FER: variants seen among roughly 807,000 people sequenced by gnomAD.
FER encodes FER tyrosine kinase.
Under a neutral mutation model 111.0 loss-of-function variants are expected in FER, and 63 were observed. The observed-to-expected ratio is 0.57, with a 90% CI of 0.46 to 0.70. The LOEUF is 0.70. Ranked by LOEUF, FER falls within the 30% of genes least tolerant of loss-of-function variation. The pLI, the probability that FER is intolerant of heterozygous loss-of-function variation, is 0.00. For synonymous variants in FER, 327 were observed against 313.9 expected, an observed-to-expected ratio of 1.04 and a Z score of -0.44; for missense variants, 914 against 954.0, an observed-to-expected ratio of 0.96 and a Z score of 0.55.
At chr5:109,034,946 A>G (rs989654676) in intron 13 of FER, among the ~76,000 whole-genome samples, 4 of 152,044 alleles carry the variant, frequency 2.6e-5, no homozygotes, top group African/African-American at 9.7e-5. Flanking sequence ...TTATTAAAAA[A>G]TGAACTTTAT....
intron 10 of FER, among the ~76,000 whole-genome samples, chr5:108,933,814 C>T (rs917329056): frequency 9.2e-5 from 14 of 152,044 alleles, no homozygotes; most frequent in African/African-American, 3.1e-4. Flanking sequence ...TGAAGAGGTC[C>T]TTTGCATCCC....
chr5:108,828,741 C>G (rs1759732449), intron 3 of FER, among the ~76,000 whole-genome samples: 1 of 152,126 alleles, frequency 6.6e-6, no homozygotes, highest in South Asian at 2.1e-4. Context: ...AATCAGGTTT[C>G]TGTATAATGA....
intron 5 of FER, among the ~76,000 whole-genome samples, chr5:108,846,238 G>C (rs1762013937): frequency 6.6e-6 from 1 of 151,810 alleles, no homozygotes; most frequent in Non-Finnish European, 1.5e-5. Context: ...TTTCCTTTTT[G>C]GTTAAGCTTT....
chr5:108,831,870 C>T (rs1022623150), intron 3 of FER, among the ~76,000 whole-genome samples: 1 of 152,118 alleles, frequency 6.6e-6, no homozygotes, highest in Non-Finnish European at 1.5e-5. Context: ...CCAAACTTTG[C>T]TCATTTAAAA....
intron 10 of FER, among the ~76,000 whole-genome samples, chr5:108,921,431 A>G (rs1002980451): frequency 6.6e-6 from 1 of 152,126 alleles, no homozygotes; most frequent in Non-Finnish European, 1.5e-5. Flanking sequence ...AGGCACTTTC[A>G]TTATGTTTAC....
chr5:108,896,922 A>G (rs1456487191), intron 9 of FER, among the ~76,000 whole-genome samples: 1 of 152,140 alleles, frequency 6.6e-6, no homozygotes, highest in African/African-American at 2.4e-5. Flanking sequence ...AGTGTGGGCT[A>G]TTTCCAGAAG....
rs1337713990 is a variant in FER, at chr5:108,835,184, ACCCC to A, written c.382-514_382-511del. 1.4e-4 allele frequency among the ~76,000 whole-genome samples: 4 copies of A among 28,882 alleles called. 1 individual carries two copies. Among genetic ancestry groups the A allele is most frequent in the Non-Finnish European group, 2.4e-4 (4 of 16,702 alleles). The allele number at this position is 28,882 out of a possible 152,430, so 18.9% of individuals were successfully genotyped here. A position where few individuals can be genotyped will look rare whatever the true frequency, so the allele number is the denominator to read the frequency against. ...GCAGTGTTATTTCTTCGTTTGCGCC[ACCCC>A]CCCCCCCCCACTTTTTTTTTGAGTC... On this transcript the variant is annotated intron_variant, in intron 4 of 19. Coordinates refer to ENST00000281092, the MANE Select transcript of FER (RefSeq NM_005246.4).
At chr5:108,919,439 T>A (rs1163765264) in intron 10 of FER, among the ~76,000 whole-genome samples, 1 of 152,188 alleles carries the variant, frequency 6.6e-6, no homozygotes, top group East Asian at 1.9e-4. Context: ...TGGAAAATTT[T>A]AAATTTTCCA....
At chr5:109,076,784 A>C (rs557058942) in intron 16 of FER, among the ~76,000 whole-genome samples, 11 of 152,284 alleles carry the variant, frequency 7.2e-5, no homozygotes, top group African/African-American at 9.6e-5. Flanking sequence ...TCCCTGTAAT[A>C]GCAATAACAA....
intron 13 of FER, among the ~76,000 whole-genome samples, chr5:108,995,324 TG>T (rs766291825): frequency 1.3e-5 from 2 of 152,142 alleles, no homozygotes; most frequent in Non-Finnish European, 2.9e-5. Context: ...CATGCAGGTT[TG>T]TTACATAGGT....
In FER at chr5:109,195,604, A is replaced by C. The variant is rs75259937; in HGVS notation, c.*8029A>C. The stretch of plus-strand genomic sequence containing the variant: ...TCGAGAGGGGTCTTAGTTATTTCAA[A>C]TCCATGACCAAAGTGTCCAAAGACA... On this transcript the variant is annotated 3_prime_UTR_variant, in exon 20 of 20. Coordinates refer to ENST00000281092, the MANE Select transcript of FER (RefSeq NM_005246.4). 1 of 152,096 alleles carries C rather than the reference A, an allele frequency of 6.6e-6. No individual in the cohort carries two copies. The highest frequency in any genetic ancestry group is 1.5e-5 in the Non-Finnish European group (1 of 68,024). The allele number at this position is 152,096 out of a possible 1,614,324, so 9.4% of individuals were successfully genotyped here. A position where few individuals can be genotyped will look rare whatever the true frequency, so the allele number is the denominator to read the frequency against.
chr5:109,024,404 G>C (rs542226914), intron 13 of FER, among the ~76,000 whole-genome samples: 1 of 152,226 alleles, frequency 6.6e-6, no homozygotes, highest in South Asian at 2.1e-4. Context: ...ATGCAGAGTG[G>C]AATGGAAAGA....
At chr5:108,760,415 A>G (rs1043349739) in intron 1 of FER, among the ~76,000 whole-genome samples, 1 of 152,196 alleles carries the variant, frequency 6.6e-6, no homozygotes, top group African/African-American at 2.4e-5. Flanking sequence ...GAAGTCACGC[A>G]TTAACTTTTC....
At chr5:108,791,531 TATC>T (rs1245299417) in intron 2 of FER, among the ~76,000 whole-genome samples, 1 of 149,984 alleles carries the variant, frequency 6.7e-6, no homozygotes, top group African/African-American at 2.5e-5. Flanking sequence ...AGAAGTTCCT[TATC>T]ATATATATAT....
At chr5:108,815,988 C>T (rs907654881) in intron 3 of FER, among the ~76,000 whole-genome samples, 2 of 152,034 alleles carry the variant, frequency 1.3e-5, no homozygotes, top group Admixed American at 1.3e-4. Context: ...GAGAGGATCA[C>T]CTGAGGCCAC....
In FER at chr5:108,893,463, C is replaced by T. The variant is rs1021517623; in HGVS notation, c.1047-4196C>T. Among the ~76,000 whole-genome samples, 6 of 151,592 alleles carry T rather than the reference C, an allele frequency of 4.0e-5. No homozygotes were observed. In the East Asian group the frequency reaches 5.8e-4, roughly 15 times the overall value. On this transcript the variant is annotated intron_variant, in intron 9 of 19. Transcript: ENST00000281092. ...GTTTGAGATTTTACATTTAAATCTA[C>T]GTTAACTCTTTTCTGCAGAGTCAGT... is the stretch of plus-strand genomic sequence containing the variant.
chr5:108,803,864 C>T (rs1247175715), intron 3 of FER, among the ~76,000 whole-genome samples: 1 of 152,038 alleles, frequency 6.6e-6, no homozygotes, highest in Non-Finnish European at 1.5e-5. Context: ...TTTCCCAGTT[C>T]TGTGAGAAAT....
chr5:108,952,704 T>G, intron 11 of FER, among the ~76,000 whole-genome samples: 1 of 152,058 alleles, frequency 6.6e-6, no homozygotes, highest in East Asian at 1.9e-4. Context: ...CCAGATGACT[T>G]TTTCCCCCAT....
intron 9 of FER, chr5:108,891,352 C>A (rs553662282): frequency 6.6e-6 from 1 of 151,846 alleles, no homozygotes; most frequent in Non-Finnish European, 1.5e-5. Context: ...AGTTTTCTCC[C>A]AGTCTGTACC....
Sources: gnomAD v4.1 joint callset for allele counts (sites outside exome capture counted in the v4.1 genomes callset) on GRCh38, gnomAD v4.1.1 for gene constraint, MANE v1.5 for transcripts, NCBI Gene and HGNC (gene_info 2026-07-23, HGNC 2026-07-21) for gene names.